SHLD2: variants seen among roughly 807,000 people sequenced by gnomAD.
The protein encoded by SHLD2 is shieldin complex subunit 2, also known as RINN1-REV7-interacting novel NHEJ regulator 2.
In SHLD2, 30 loss-of-function variants were observed where a neutral mutation model predicts 73.2. The observed-to-expected ratio is 0.41, with a 90% CI of 0.31 to 0.56. SHLD2 has a LOEUF of 0.56. SHLD2 is among the 20% of genes least tolerant of loss of function. The pLI is 0.28. For synonymous variants in SHLD2, 285 were observed against 370.1 expected (o/e 0.77, Z 2.64); for missense variants, 745 against 1,055.9 (o/e 0.71, Z 4.08).
At chr10:87,103,166 C>T (rs567830782) in intron 2 of SHLD2, among the ~76,000 whole-genome samples, 13 of 150,546 alleles carry the variant, frequency 8.6e-5, no homozygotes, top group Non-Finnish European at 1.3e-4. Context: ...GCCGAGATCT[C>T]ACCACTGCAC....
intron 2 of SHLD2, among the ~76,000 whole-genome samples, chr10:87,107,094 C>CCA (rs369194245): frequency 9.0e-6 from 1 of 110,524 alleles, no homozygotes; most frequent in Admixed American, 1.1e-4. Context: ...CAATAATTGG[C>CCA]AAAAAAAAAA....
chr10:87,152,031 C>T lies in SHLD2; in HGVS notation c.677C>T (p.Ala226Val), dbSNP rs769006293. 6 of 1,611,856 alleles carry T rather than the reference C, an allele frequency of 3.7e-6. No homozygotes were observed. The highest frequency in any genetic ancestry group is 5.1e-6 in the Non-Finnish European group (6 of 1,179,788). The change falls in exon 3 of 10, where the codon GCA becomes GTA. Residue 226 changes from alanine (A) to valine (V), a missense_variant. Coordinates refer to ENST00000298786, the MANE Select transcript of SHLD2 (RefSeq NM_001330112.2). ...GCAGTAGATAAGTCAAGGTCTGAAG[C>T]AGCAGTTAGGAAGGTCTCAGACCTT... ...SNAVDKSRSE[A>V]AVRKVSDLKI...
At chr10:87,117,401 G>T (rs192157659) in intron 2 of SHLD2, among the ~76,000 whole-genome samples, 69 of 152,232 alleles carry the variant, frequency 4.5e-4, no homozygotes, top group African/African-American at 1.3e-3. Context: ...CCTGGGCAAC[G>T]AGTGAAACTC....
chr10:87,129,709 T>G (rs546433348), intron 2 of SHLD2, among the ~76,000 whole-genome samples: 1 of 152,104 alleles, frequency 6.6e-6, no homozygotes, highest in Admixed American at 6.5e-5. Flanking sequence ...CAGCTTTGAT[T>G]GCTCAGGCTC....
rs1849022453 is a variant in SHLD2, at chr10:87,190,816, T to C, written c.*133T>C. ...ATTTTACAAAGAGAATTGCACTAGA[T>C]ATATAAATTAAAACTTTTTTCTAAG... On this transcript the variant is annotated 3_prime_UTR_variant, in exon 10 of 10. Coordinates refer to ENST00000298786, the MANE Select transcript of SHLD2 (RefSeq NM_001330112.2). 3 of 711,108 alleles carry C rather than the reference T, an allele frequency of 4.2e-6. No homozygotes were observed. Among genetic ancestry groups the C allele is most frequent in the Non-Finnish European group, 6.9e-6 (3 of 435,166 alleles). The allele number at this position is 711,108 out of a possible 1,614,324, so 44.0% of individuals were successfully genotyped here.
intron 2 of SHLD2, among the ~76,000 whole-genome samples, chr10:87,112,351 A>G (rs1290761374): frequency 3.3e-5 from 5 of 152,172 alleles, no homozygotes; most frequent in African/African-American, 9.7e-5. Context: ...ATCATTATTC[A>G]TTAGGGAAAT....
At chr10:87,188,821 G>T (rs3129409) in intron 9 of SHLD2, among the ~76,000 whole-genome samples, 5 of 151,954 alleles carry the variant, frequency 3.3e-5, no homozygotes, top group African/African-American at 1.2e-4. Context: ...ATGATGATTT[G>T]ATATTTATTC....
upstream of SHLD2, chr10:87,095,095 G>C (rs1398723060): frequency 4.1e-5 from 6 of 144,602 alleles, no homozygotes; most frequent in Admixed American, 2.1e-4. Context: ...GGGGAAGGGA[G>C]GGGAGGGGAG....
chr10:87,094,655 C>T (rs746392351), upstream of SHLD2: 1 of 1,592,502 alleles, frequency 6.3e-7, no homozygotes, highest in Non-Finnish European at 8.5e-7. This position sits in a 1 kb window ranked among gnomAD's most constrained non-coding sequence, Gnocchi z 6.6. Context: ...TGCGGGGCGG[C>T]GGCGGGCTGT....
At chr10:87,154,798 A>C (rs1049245871) in intron 3 of SHLD2, among the ~76,000 whole-genome samples, 2 of 152,222 alleles carry the variant, frequency 1.3e-5, no homozygotes, top group African/African-American at 4.8e-5. Flanking sequence ...AAATATCTAA[A>C]GAAAGAATGT....
At chr10:87,157,003 TG>T (rs1846478900) in intron 3 of SHLD2, among the ~76,000 whole-genome samples, 1 of 152,060 alleles carries the variant, frequency 6.6e-6, no homozygotes, top group South Asian at 2.1e-4. Flanking sequence ...TGGTGGGGCA[TG>T]GGCACATTTA....
intron 2 of SHLD2, among the ~76,000 whole-genome samples, chr10:87,147,974 C>T (rs1040397967): frequency 6.6e-6 from 1 of 151,868 alleles, no homozygotes; most frequent in African/African-American, 2.4e-5. Flanking sequence ...TCTCATGCCT[C>T]AGCCTCCTGA....
intron 2 of SHLD2, among the ~76,000 whole-genome samples, chr10:87,106,607 A>T (rs1038257822): frequency 2.6e-5 from 4 of 152,186 alleles, no homozygotes; most frequent in African/African-American, 9.6e-5. Flanking sequence ...AGTAGTTTTC[A>T]TGTTGTCGTG....
intron 2 of SHLD2, among the ~76,000 whole-genome samples, chr10:87,113,180 C>T (rs569764159): frequency 5.6e-4 from 85 of 152,148 alleles, no homozygotes; most frequent in African/African-American, 2.0e-3. Context: ...CAAAATTAGC[C>T]GAACATGGTG....
chr10:87,165,129 G>A (rs1427298612), intron 4 of SHLD2, among the ~76,000 whole-genome samples: 1 of 151,866 alleles, frequency 6.6e-6, no homozygotes, highest in Non-Finnish European at 1.5e-5. Flanking sequence ...TGAGGCTGCA[G>A]TGAGCTGTGA....
At chr10:87,165,880 T>C (rs988700989) in intron 4 of SHLD2, among the ~76,000 whole-genome samples, 4 of 152,190 alleles carry the variant, frequency 2.6e-5, no homozygotes, top group African/African-American at 9.7e-5. Flanking sequence ...CTGTACTATT[T>C]TTGCAACTTT....
intron 4 of SHLD2, 124 bp from the exon 5 acceptor site, chr10:87,170,354 G>A (rs184722375): frequency 1.2e-4 from 78 of 666,346 alleles, no homozygotes; most frequent in African/African-American, 1.1e-3. Context: ...TTTAGAGAAA[G>A]CAAAACTATA....
At chr10:87,134,239 A>T (rs190570256) in intron 2 of SHLD2, among the ~76,000 whole-genome samples, 2,413 of 152,298 alleles carry the variant, frequency 0.016, 74 homozygotes, top group African/African-American at 0.055. Flanking sequence ...AAGCAGGATA[A>T]GAAGTACGGT....
intron 2 of SHLD2, among the ~76,000 whole-genome samples, chr10:87,150,399 T>G (rs1031553534): frequency 2.6e-5 from 4 of 152,042 alleles, no homozygotes; most frequent in African/African-American, 9.7e-5. Flanking sequence ...TGTAATATAG[T>G]TAAACAAATG....
Sources: allele counts gnomAD v4.1 joint callset (sites outside exome capture counted in the v4.1 genomes callset), GRCh38; gene constraint gnomAD v4.1.1; non-coding constraint Gnocchi (gnomAD v3.1); transcripts MANE v1.5; gene names NCBI Gene and HGNC (gene_info 2026-07-23, HGNC 2026-07-21).